MPP4: variants seen among roughly 807,000 people sequenced by gnomAD.
The protein encoded by MPP4 is MAGUK p55 scaffold protein 4, also known as MAGUK p55 subfamily member 4.
A neutral mutation model predicts 98.3 loss-of-function variants in MPP4; 91 were observed. The observed-to-expected ratio is 0.93, with a 90% CI of 0.78 to 1.10. The LOEUF is 1.10. Ranked by LOEUF, MPP4 falls within the 50% of genes least tolerant of loss-of-function variation. MPP4 has a pLI of 0.00. For synonymous variants in MPP4, 261 were observed against 271.8 expected (o/e 0.96, Z 0.39); for missense variants, 744 against 792.9 (o/e 0.94, Z 0.74).
intron 13 of MPP4, 114 bp from the exon 14 acceptor site, chr2:201,664,215 G>A (rs1688101632): frequency 6.7e-7 from 1 of 1,496,374 alleles, no homozygotes. Context: ...CACCACCTTT[G>A]TAAAGTTTTT....
chr2:201,679,238 C>T (rs2105936705), intron 10 of MPP4, among the ~76,000 whole-genome samples: 1 of 152,278 alleles, frequency 6.6e-6, no homozygotes, highest in South Asian at 2.1e-4. Flanking sequence ...TGTCCCTTGG[C>T]CCCCTCTTGA....
Position 201,693,734 on chromosome 2 carries a change from T to C in MPP4, c.79+142A>G, listed in dbSNP as rs796690608. On this transcript the variant is annotated intron_variant, in intron 2 of 21. Transcript: ENST00000409474. ...AATTTGTTCTTAAAGTTATCACTGG[T>C]AGGGCAGTAGTGCAACCAAAAATGT... is the stretch of plus-strand genomic sequence containing the variant. 2.4e-5 allele frequency: 22 copies of C among 904,820 alleles called. No homozygotes were observed. The African/African-American group carries it at 3.1e-4, about 13-fold the overall frequency. 56.0% of individuals were successfully genotyped at this position (904,820 alleles called of 1,614,324 possible).
chr2:201,680,554 T>A (rs1259389352), intron 10 of MPP4: 3 of 326,990 alleles, frequency 9.2e-6, no homozygotes, highest in Non-Finnish European at 1.7e-5. Flanking sequence ...ACATATGAAT[T>A]TTGGAGAGGA....
intron 18 of MPP4, among the ~76,000 whole-genome samples, chr2:201,653,654 G>C (rs751113528): frequency 6.6e-6 from 1 of 152,052 alleles, no homozygotes; most frequent in African/African-American, 2.4e-5. Flanking sequence ...CTATTTTGTT[G>C]AAATCAGGAA....
chr2:201,665,147 G>T (rs975993222), intron 13 of MPP4: 1 of 145,092 alleles, frequency 6.9e-6, no homozygotes, highest in Non-Finnish European at 1.5e-5. Context: ...CTCACTGCAA[G>T]CTCTGCCTCC....
intron 10 of MPP4, among the ~76,000 whole-genome samples, chr2:201,676,800 T>G (rs1480383019): frequency 6.6e-6 from 1 of 152,108 alleles, no homozygotes. Flanking sequence ...CTCTGGAGGC[T>G]GAGGCAGGGA....
chr2:201,665,607 G>A (rs1688155841), intron 13 of MPP4: 1 of 152,092 alleles, frequency 6.6e-6, no homozygotes, highest in African/African-American at 2.4e-5. Context: ...ATGTATACTT[G>A]GTAAAATAAA....
intron 16 of MPP4, among the ~76,000 whole-genome samples, chr2:201,657,807 G>A (rs1018442169): frequency 6.6e-6 from 1 of 151,722 alleles, no homozygotes; most frequent in Non-Finnish European, 1.5e-5. Flanking sequence ...TTGGCACCAG[G>A]CTACCATTGT....
chr2:201,663,545 G>A (rs150864682), intron 14 of MPP4, among the ~76,000 whole-genome samples: 1 of 152,308 alleles, frequency 6.6e-6, no homozygotes, highest in African/African-American at 2.4e-5. Flanking sequence ...GTGAGACCCT[G>A]TATCTACAAA....
Position 201,669,715 on chromosome 2 carries a change from C to A in MPP4, c.1012+18G>T. The A allele has an allele frequency of 7.1e-7, 1 of 1,413,874 alleles. No individual in the cohort carries two copies. The allele number at this position is 1,413,874 out of a possible 1,614,324, so 87.6% of individuals were successfully genotyped here. A position where few individuals can be genotyped will look rare whatever the true frequency, so the allele number is the denominator to read the frequency against. On this transcript the variant is annotated intron_variant, in intron 12 of 21. Coordinates refer to ENST00000409474, the MANE Select transcript of MPP4 (RefSeq NM_033066.3). ...AGACTTTGGAGATAAGAGTTTTTTC[C>A]TAAATACTATTTCTTACCTTCTTCC...
chr2:201,671,954 C>T (rs1172899063), intron 11 of MPP4, among the ~76,000 whole-genome samples: 2 of 152,196 alleles, frequency 1.3e-5, no homozygotes, highest in African/African-American at 2.4e-5. Flanking sequence ...ATACATTCTT[C>T]TCAGCACCAC....
At chr2:201,646,196 C>A (rs1338036092) in intron 21 of MPP4, among the ~76,000 whole-genome samples, 1 of 151,970 alleles carries the variant, frequency 6.6e-6, no homozygotes, top group Non-Finnish European at 1.5e-5. Flanking sequence ...TAACCATATA[C>A]AACATAAAAC....
chr2:201,698,386 AC>A (rs1339633761), intron 1 of MPP4, among the ~76,000 whole-genome samples, 200 bp downstream of exon 1: 2 of 152,220 alleles, frequency 1.3e-5, no homozygotes, highest in African/African-American at 4.8e-5. Context: ...ATTATTCCAT[AC>A]TGAAGAAATG....
intron 1 of MPP4, chr2:201,697,861 A>C (rs1304348214): frequency 1.1e-6 from 1 of 923,502 alleles, no homozygotes; most frequent in East Asian, 1.2e-4. Flanking sequence ...AGTAAAATCG[A>C]GTTTTCCTCT....
chr2:201,683,348 A>G (rs922335343), intron 7 of MPP4, among the ~76,000 whole-genome samples: 2 of 152,212 alleles, frequency 1.3e-5, no homozygotes, highest in Non-Finnish European at 2.9e-5. Context: ...TGGAGTTGTC[A>G]GATAGTTGAG....
intron 6 of MPP4, 78 bp downstream of exon 6, chr2:201,685,841 A>T (rs1688813251): frequency 6.5e-7 from 1 of 1,544,702 alleles, no homozygotes; most frequent in African/African-American, 1.4e-5. Context: ...CTACTGCCCA[A>T]GTAACCACTA....
At chr2:201,697,258 G>A (rs930896988) in intron 1 of MPP4, among the ~76,000 whole-genome samples, 1 of 152,162 alleles carries the variant, frequency 6.6e-6, no homozygotes, top group Admixed American at 6.5e-5. Flanking sequence ...TTAAGCCACT[G>A]TCTATGGTAC....
chr2:201,690,068 A>G (rs1688964040), intron 4 of MPP4, 134 bp downstream of exon 4: 4 of 521,636 alleles, frequency 7.7e-6, no homozygotes, highest in Non-Finnish European at 1.3e-5. Context: ...TTAAAGTTCA[A>G]TTAGAAACAT....
In MPP4 at chr2:201,687,383, A is replaced by G; in HGVS notation, c.280-12T>C. 1 of 1,558,574 alleles carries G rather than the reference A, an allele frequency of 6.4e-7. No homozygotes were observed. Among genetic ancestry groups the G allele is most frequent in the Non-Finnish European group, 8.7e-7 (1 of 1,149,062 alleles). On this transcript the variant is annotated splice_polypyrimidine_tract_variant and intron_variant, in intron 4 of 21. Transcript: ENST00000409474. ...AATAACTCCACTACCTGGTTCATGGAAAAGGATACATTATAAAAATTTTAA... is the reference window on the plus strand; with the variant it reads ...AATAACTCCACTACCTGGTTCATGGGAAAGGATACATTATAAAAATTTTAA...
Sources: gnomAD v4.1 joint callset for allele counts (sites outside exome capture counted in the v4.1 genomes callset) on GRCh38, gnomAD v4.1.1 for gene constraint, MANE v1.5 for transcripts, NCBI Gene and HGNC (gene_info 2026-07-23, HGNC 2026-07-21) for gene names.